EVI5: variants seen among roughly 807,000 people sequenced by gnomAD.
The protein encoded by EVI5 is ecotropic viral integration site 5, also known as ecotropic viral integration site 5 protein homolog.
In EVI5, 73 loss-of-function variants were observed where a neutral mutation model predicts 112.0. The observed-to-expected ratio is 0.65, with a 90% confidence interval of 0.54 to 0.79. The LOEUF (loss-of-function observed/expected upper bound fraction) is 0.79. Ranked by LOEUF, EVI5 falls within the 30% of genes least tolerant of loss-of-function variation. The pLI, the probability that EVI5 is intolerant of heterozygous loss-of-function variation, is 0.00. For synonymous variants in EVI5, 305 were observed against 319.9 expected, an observed-to-expected ratio of 0.95 and a Z score of 0.50; for missense variants, 900 against 968.8, an observed-to-expected ratio of 0.93 and a Z score of 0.94.
intron 14 of EVI5, among the ~76,000 whole-genome samples, chr1:92,635,348 C>T (rs1399112830): frequency 1.3e-5 from 2 of 152,186 alleles, no homozygotes; most frequent in Non-Finnish European, 2.9e-5. Flanking sequence ...TTCCTGGCCG[C>T]GTTGTTTACC....
chr1:92,669,186 T>C lies in EVI5; in HGVS notation c.1159-3194A>G, dbSNP rs115714673. On this transcript the variant is annotated intron_variant, in intron 10 of 19. Transcript: ENST00000684568. ...AGGCATGAATATTATTTTACTACTTTTGTCTATTTTTAGAATTATTCTTAA... is the reference window on the plus strand; with the variant it reads ...AGGCATGAATATTATTTTACTACTTCTGTCTATTTTTAGAATTATTCTTAA... Among the ~76,000 whole-genome samples the C allele has an allele frequency of 2.8e-3, 421 of 152,328 alleles. 6 individuals are homozygous for C. Among genetic ancestry groups the C allele is most frequent in the African/African-American group, 9.8e-3 (408 of 41,568 alleles).
chr1:92,737,805 T>C (rs955040684), intron 1 of EVI5, among the ~76,000 whole-genome samples: 2 of 152,226 alleles, frequency 1.3e-5, no homozygotes, highest in Non-Finnish European at 2.9e-5. Flanking sequence ...AAGGACATAG[T>C]TAAGCCACTT....
At chr1:92,596,588 ATG>A (rs1199134543) in intron 18 of EVI5, among the ~76,000 whole-genome samples, 1 of 152,204 alleles carries the variant, frequency 6.6e-6, no homozygotes, top group Non-Finnish European at 1.5e-5. Context: ...TACACAAAAA[ATG>A]AAGTGTAACT....
rs1277266575 is a variant in EVI5, at chr1:92,615,821, TGTG to T, written c.1828-8097_1828-8095del. On this transcript the variant is annotated intron_variant, in intron 16 of 19. Transcript: ENST00000684568. The stretch of plus-strand genomic sequence containing the variant: ...TGGGACCCTAGAGGGTGAGGTTGAG[TGTG>T]ACCCATGAGGAGGTGTGCTACACTT... Among the ~76,000 whole-genome samples, 27 of 152,164 alleles carry T rather than the reference TGTG, an allele frequency of 1.8e-4. No individual in the cohort carries two copies. The South Asian group carries it at 3.9e-3, about 22-fold the overall frequency.
chr1:92,608,312 C>T (rs766012446), intron 16 of EVI5, among the ~76,000 whole-genome samples: 3 of 152,108 alleles, frequency 2.0e-5, no homozygotes, highest in Non-Finnish European at 2.9e-5. Context: ...TGAAGGTATT[C>T]CTTTCTAAGA....
chr1:92,709,220 A>G (rs1230070494), intron 2 of EVI5, among the ~76,000 whole-genome samples: 1 of 152,170 alleles, frequency 6.6e-6, no homozygotes, highest in Non-Finnish European at 1.5e-5. Flanking sequence ...GATGATGGAC[A>G]TTTTCTAATA....
chr1:92,617,491 A>G (rs2095268), intron 16 of EVI5, among the ~76,000 whole-genome samples: 141,104 of 152,182 alleles, frequency 0.93, 65,520 homozygotes, highest in East Asian at 0.97. Context: ...TGAGTGGATA[A>G]GATGACCTGT....
intron 19 of EVI5, among the ~76,000 whole-genome samples, chr1:92,553,681 A>G (rs1667301173): frequency 6.6e-6 from 1 of 151,152 alleles, no homozygotes; most frequent in South Asian, 2.1e-4. Flanking sequence ...CAATCAGCCA[A>G]CCTCGGTCTC....
intron 10 of EVI5, among the ~76,000 whole-genome samples, chr1:92,669,242 G>C (rs1665429652): frequency 6.6e-6 from 1 of 151,914 alleles, no homozygotes; most frequent in Non-Finnish European, 1.5e-5. Flanking sequence ...ATTTTACAAG[G>C]AATTAAATTT....
At chr1:92,761,981 C>T (rs1469212823) in intron 1 of EVI5, among the ~76,000 whole-genome samples, 2 of 151,978 alleles carry the variant, frequency 1.3e-5, no homozygotes, top group Non-Finnish European at 2.9e-5. Context: ...GGTTTTAAAA[C>T]ATATCCAAAA....
chr1:92,671,560 A>G (rs1358853584), intron 10 of EVI5, among the ~76,000 whole-genome samples: 1 of 152,178 alleles, frequency 6.6e-6, no homozygotes, highest in East Asian at 1.9e-4. Context: ...TAAGAAGCTA[A>G]CTGGACATCT....
chr1:92,749,167 T>C lies in EVI5; in HGVS notation c.-81-12540A>G, dbSNP rs1249995875. 2.9e-5 allele frequency: 8 copies of C among 274,024 alleles called. No homozygotes were observed. The East Asian group carries it at 9.5e-4, about 33-fold the overall frequency. 17.0% of individuals were successfully genotyped at this position (274,024 alleles called of 1,614,324 possible). ...GGACAAATAAATTGTATTATAGTCA[T>C]GATGATAAGGCTTCTTCACTCCTCC... On this transcript the variant is annotated intron_variant, in intron 1 of 19. Coordinates refer to ENST00000684568, the MANE Select transcript of EVI5 (RefSeq NM_001350197.2).
chr1:92,741,272 A>C (rs141256884), intron 1 of EVI5, among the ~76,000 whole-genome samples: 87 of 152,338 alleles, frequency 5.7e-4, no homozygotes, highest in African/African-American at 2.0e-3. Context: ...AACCACTATC[A>C]AGAATGAGCA....
At chr1:92,582,326 G>C (rs1262890775) in intron 18 of EVI5, among the ~76,000 whole-genome samples, 1 of 152,102 alleles carries the variant, frequency 6.6e-6, no homozygotes, top group Non-Finnish European at 1.5e-5. Context: ...AATTTTTAAA[G>C]TAAAAATAAT....
chr1:92,640,155 A>G (rs1377926154), intron 13 of EVI5, among the ~76,000 whole-genome samples: 2 of 152,212 alleles, frequency 1.3e-5, no homozygotes, highest in Non-Finnish European at 2.9e-5. Flanking sequence ...CAAACCATAA[A>G]AACCCTAGAA....
chr1:92,669,587 T>TA (rs1385210232), intron 10 of EVI5, among the ~76,000 whole-genome samples: 6 of 137,224 alleles, frequency 4.4e-5, no homozygotes, highest in African/African-American at 1.6e-4. Flanking sequence ...TATCTTTATA[T>TA]AACATGGAGC....
At chr1:92,554,710 T>C (rs1667432584) in intron 19 of EVI5, among the ~76,000 whole-genome samples, 1 of 152,216 alleles carries the variant, frequency 6.6e-6, no homozygotes, top group Admixed American at 6.5e-5. Flanking sequence ...AGTTGATGCC[T>C]GTAATCCCAG....
chr1:92,744,403 G>A (rs1194110504), intron 1 of EVI5, among the ~76,000 whole-genome samples: 2 of 152,074 alleles, frequency 1.3e-5, no homozygotes, highest in African/African-American at 4.8e-5. Context: ...AGGTGTTGAG[G>A]CATCCAACTA....
rs1685447223 is a variant in EVI5, at chr1:92,785,036, A to T, written c.-282T>A. 1.0e-6 allele frequency: 1 copy of T among 985,388 alleles called. No homozygotes were observed. The highest frequency in any genetic ancestry group is 1.2e-6 in the Non-Finnish European group (1 of 830,114). The allele number at this position is 985,388 out of a possible 1,614,324, so 61.0% of individuals were successfully genotyped here. ...CCCCTCCCGGCACCGCCGCTGTCGG[A>T]ACTGCAGCCAGCCCCTTGCCAGCTG... On this transcript the variant is annotated 5_prime_UTR_variant, in exon 1 of 20. Transcript: ENST00000684568.
Sources: allele counts gnomAD v4.1 joint callset (sites outside exome capture counted in the v4.1 genomes callset), GRCh38; gene constraint gnomAD v4.1.1; transcripts MANE v1.5; gene names NCBI Gene and HGNC (gene_info 2026-07-23, HGNC 2026-07-21).